Variants in DLC1 observed in about 807,000 individuals in gnomAD.
DLC1 encodes the protein DLC1 Rho GTPase activating protein, also known as rho GTPase-activating protein 7.
A neutral mutation model predicts 140.3 loss-of-function variants in DLC1; 54 were observed. That is an observed-to-expected ratio of 0.38 (90% CI 0.31 to 0.48). DLC1 has a LOEUF of 0.48. Ranked by LOEUF, DLC1 falls within the 20% of genes least tolerant of loss-of-function variation. The pLI is 0.96. For synonymous variants in DLC1, 986 were observed against 728.1 expected, an observed-to-expected ratio of 1.35 and a Z score of -5.70; for missense variants, 2,536 against 1,907.0, an observed-to-expected ratio of 1.33 and a Z score of -6.14.
chr8:13,375,128 C>T (rs11990432), intron 4 of DLC1, among the ~76,000 whole-genome samples: 72,458 of 150,776 alleles, frequency 0.48, 17,825 homozygotes, highest in East Asian at 0.77. Flanking sequence ...CCCGGCTTCA[C>T]GCCATTCTCC....
rs180710818 is a variant in DLC1 at position 13,207,847 on chromosome 8, G to A, written c.1349-92190C>T. Among the ~76,000 whole-genome samples, 27 of 152,216 alleles carry A rather than the reference G, an allele frequency of 1.8e-4. 1 individual carries two copies. The East Asian group carries it at 5.2e-3, about 29-fold the overall frequency. ...AATTATCTTGCCCAAAACGTCAATGGTGCCGGGGTTGAGAAACCATGCTTT... is the reference window on the plus strand; with the variant it reads ...AATTATCTTGCCCAAAACGTCAATGATGCCGGGGTTGAGAAACCATGCTTT... On this transcript the variant is annotated intron_variant, in intron 5 of 17. Coordinates refer to ENST00000276297, the MANE Select transcript of DLC1 (RefSeq NM_182643.3).
At chr8:13,567,739 G>A in intron 1 of DLC1, 1 of 1,552,036 alleles carries the variant, frequency 6.4e-7, no homozygotes. Flanking sequence ...AGCACATCAA[G>A]ACTTTCCCAG....
At chr8:13,542,796 G>A (rs548543065) in intron 1 of DLC1, among the ~76,000 whole-genome samples, 1 of 151,966 alleles carries the variant, frequency 6.6e-6, no homozygotes, top group Middle Eastern at 3.2e-3. Context: ...AATACGAATT[G>A]AGTTTTTTAT....
At chr8:13,473,438 A>T (rs1022099482) in intron 2 of DLC1, among the ~76,000 whole-genome samples, 1 of 152,110 alleles carries the variant, frequency 6.6e-6, no homozygotes, top group Non-Finnish European at 1.5e-5. Flanking sequence ...CTAAGATGTG[A>T]CTTGCTTCTT....
intron 5 of DLC1, among the ~76,000 whole-genome samples, chr8:13,270,595 G>A (rs893231050): frequency 6.6e-6 from 1 of 152,180 alleles, no homozygotes; most frequent in African/African-American, 2.4e-5. Flanking sequence ...TCATCAATGT[G>A]TGGAATCAGT....
intron 5 of DLC1, among the ~76,000 whole-genome samples, chr8:13,278,765 AG>A (rs1831262032): frequency 6.6e-6 from 1 of 152,218 alleles, no homozygotes; most frequent in African/African-American, 2.4e-5. Flanking sequence ...AAACACAGAA[AG>A]GAAGGGGAGC....
At chr8:13,551,759 C>G (rs1460212114) in intron 1 of DLC1, among the ~76,000 whole-genome samples, 2 of 150,878 alleles carry the variant, frequency 1.3e-5, no homozygotes, top group Non-Finnish European at 3.0e-5. Context: ...GTTTCTATAT[C>G]AAACATATGT....
Position 13,099,684 on chromosome 8 carries a change from A to C in DLC1, c.2653T>G (p.Ser885Ala). 6.2e-7 allele frequency: 1 copy of C among 1,614,088 alleles called. No individual in the cohort carries two copies. The highest frequency in any genetic ancestry group is 8.5e-7 in the Non-Finnish European group (1 of 1,180,010). The change falls in exon 9 of 18, where the codon TCC becomes GCC. Residue 885 changes from serine to alanine, a missense_variant. By Grantham distance (99) the Ser-to-Ala change is moderately conservative. Transcript: ENST00000276297. ...RLSIYDNVPGSILYSSSGDLA... is the reference protein window; with the variant it reads ...RLSIYDNVPGAILYSSSGDLA... ...TCCCCTGAACTGGAGTAGAGGATGG[A>C]GCCCGGCACGTTGTCGTAGATGCTC... is the stretch of plus-strand genomic sequence containing the variant.
chr8:13,548,879 C>T (rs1252558660), intron 1 of DLC1, among the ~76,000 whole-genome samples: 1 of 152,040 alleles, frequency 6.6e-6, no homozygotes, highest in Non-Finnish European at 1.5e-5. Flanking sequence ...TTAGAAAATA[C>T]TGCTCTGGGC....
chr8:13,287,479 A>G (rs967709947), intron 5 of DLC1, among the ~76,000 whole-genome samples: 4 of 152,256 alleles, frequency 2.6e-5, no homozygotes, highest in African/African-American at 7.2e-5. Context: ...GCTCTGAAGT[A>G]TAAGTATAAA....
intron 5 of DLC1, 35 bp downstream of exon 5, chr8:13,305,234 A>T (rs762451063): frequency 1.2e-6 from 2 of 1,607,720 alleles, no homozygotes; most frequent in East Asian, 4.5e-5. Context: ...TCTAAAATAG[A>T]TTGGCGAGAA....
chr8:13,104,093 T>G (rs1055465475), intron 7 of DLC1, among the ~76,000 whole-genome samples: 9 of 152,102 alleles, frequency 5.9e-5, no homozygotes, highest in African/African-American at 2.2e-4. Context: ...CTCTTTAATA[T>G]CCAATATTTA....
chr8:13,506,296 T>C (rs1003042556), intron 1 of DLC1, among the ~76,000 whole-genome samples: 3 of 152,044 alleles, frequency 2.0e-5, no homozygotes, highest in African/African-American at 4.8e-5. Flanking sequence ...TGTACACATA[T>C]ATATTGATAT....
chr8:13,422,744 CCT>C (rs1838376236), intron 2 of DLC1, among the ~76,000 whole-genome samples: 1 of 151,608 alleles, frequency 6.6e-6, no homozygotes, highest in Non-Finnish European at 1.5e-5. Flanking sequence ...ATAAATAAAT[CCT>C]CTCTTAAGGA....
chr8:13,146,403 G>A (rs1823443008), intron 5 of DLC1, among the ~76,000 whole-genome samples: 1 of 151,088 alleles, frequency 6.6e-6, no homozygotes, highest in South Asian at 2.1e-4. Flanking sequence ...TGTTATTATT[G>A]AAAAGTTCCA....
intron 3 of DLC1, among the ~76,000 whole-genome samples, chr8:13,396,248 A>C (rs1837040336): frequency 6.6e-6 from 1 of 151,422 alleles, no homozygotes; most frequent in South Asian, 2.1e-4. Context: ...TTTACTAGAG[A>C]CGGGGTTTCA....
chr8:13,566,767 G>A, intron 1 of DLC1: 1 of 558,142 alleles, frequency 1.8e-6, no homozygotes, highest in East Asian at 3.1e-5. Context: ...AAGCGCAGTG[G>A]GCGCTGGGGA....
Position 13,359,213 on chromosome 8 carries a change from C to T in DLC1, c.1314+34340G>A, listed in dbSNP as rs373738022. ...TCGGCCTCCCAAATTGCTGGGATTA[C>T]AGGCGTGAGCCACCGCACCCATCCT... On this transcript the variant is annotated intron_variant, in intron 4 of 17. Coordinates refer to ENST00000276297, the MANE Select transcript of DLC1 (RefSeq NM_182643.3). Among the ~76,000 whole-genome samples, 149 of 152,282 alleles carry T rather than the reference C, an allele frequency of 9.8e-4. 1 individual carries two copies. The highest frequency in any genetic ancestry group is 3.5e-3 in the African/African-American group (145 of 41,560).
chr8:13,189,517 C>G (rs551975506), intron 5 of DLC1, among the ~76,000 whole-genome samples: 3 of 152,026 alleles, frequency 2.0e-5, no homozygotes, highest in Non-Finnish European at 4.4e-5. Context: ...AGGCCCTAAC[C>G]GCTAAATGCA....
Sources: allele counts gnomAD v4.1 joint callset (sites outside exome capture counted in the v4.1 genomes callset), GRCh38; gene constraint gnomAD v4.1.1; transcripts MANE v1.5; gene names NCBI Gene and HGNC (gene_info 2026-07-23, HGNC 2026-07-21).